The following MAPRE2 variants were observed in gnomAD, a reference collection of about 807,000 sequenced individuals.
The protein encoded by MAPRE2 is microtubule-associated protein RP/EB family member 2.
A neutral mutation model predicts 43.2 loss-of-function variants in MAPRE2; 13 were observed. The observed-to-expected ratio is 0.30, with a 90% CI of 0.20 to 0.48. The LOEUF is 0.48. Among genes scored for constraint, MAPRE2 ranks in the 20% least tolerant of loss-of-function variants. The pLI, the probability that MAPRE2 is intolerant of heterozygous loss-of-function variation, is 0.99. For synonymous variants in MAPRE2, 135 were observed against 148.8 expected, an observed-to-expected ratio of 0.91 and a Z score of 0.68; for missense variants, 161 against 400.2, an observed-to-expected ratio of 0.40 and a Z score of 5.10.
At chr18:35,102,994 T>C (rs1423996617) in intron 4 of MAPRE2, among the ~76,000 whole-genome samples, 2 of 151,918 alleles carry the variant, frequency 1.3e-5, no homozygotes, top group African/African-American at 4.9e-5. Flanking sequence ...AACTACAATC[T>C]GAATGAAGTA....
At chr18:34,981,401 G>A (rs945892385) in intron 1 of MAPRE2, among the ~76,000 whole-genome samples, 2 of 151,624 alleles carry the variant, frequency 1.3e-5, no homozygotes, top group South Asian at 2.1e-4. Flanking sequence ...AAGACTAATC[G>A]GATTACTCCA....
chr18:35,019,582 C>G (rs527725544), intron 2 of MAPRE2, among the ~76,000 whole-genome samples: 1 of 152,060 alleles, frequency 6.6e-6, no homozygotes, highest in South Asian at 2.1e-4. Flanking sequence ...TTCTTCTTTA[C>G]TTTATGTCAT....
chr18:34,987,070 T>G (rs1376604336), intron 1 of MAPRE2, among the ~76,000 whole-genome samples: 2 of 152,158 alleles, frequency 1.3e-5, no homozygotes, highest in African/African-American at 4.8e-5. Flanking sequence ...TTTGCACAAT[T>G]TACTAGATTG....
intron 2 of MAPRE2, among the ~76,000 whole-genome samples, chr18:35,030,314 A>G (rs2097047213): frequency 6.6e-6 from 1 of 152,158 alleles, no homozygotes; most frequent in Non-Finnish European, 1.5e-5. Context: ...GTTTTATGGC[A>G]GCAGTCTCTT....
chr18:35,095,012 G>A (rs1314914502), intron 2 of MAPRE2, among the ~76,000 whole-genome samples: 1 of 152,042 alleles, frequency 6.6e-6, no homozygotes, highest in Non-Finnish European at 1.5e-5. Flanking sequence ...CCAGGTAGTA[G>A]GTGTCCAAAT....
At chr18:35,112,983 C>G (rs1909247063) in intron 4 of MAPRE2, among the ~76,000 whole-genome samples, 6 of 152,192 alleles carry the variant, frequency 3.9e-5, no homozygotes. Flanking sequence ...GAGGCAAGCC[C>G]CCTTAGGCCT....
intron 2 of MAPRE2, among the ~76,000 whole-genome samples, chr18:35,011,823 C>T (rs2097034861): frequency 6.6e-6 from 1 of 152,116 alleles, no homozygotes; most frequent in African/African-American, 2.4e-5. Context: ...ATTCATTCAT[C>T]TAGCGAACAC....
rs188703991 is a variant in MAPRE2 at position 35,007,912 on chromosome 18, G to A, written c.-8+2359G>A. Among the ~76,000 whole-genome samples, 261 of 152,170 alleles carry A rather than the reference G, an allele frequency of 1.7e-3. 5 individuals are homozygous for A. The highest frequency in any genetic ancestry group is 5.6e-3 in the African/African-American group (234 of 41,526). ...GTAAACTGAAAATACAGTATTCATCGGTATATGAAGCCAAAGGCAGCCAGC... is the reference window on the plus strand; with the variant it reads ...GTAAACTGAAAATACAGTATTCATCAGTATATGAAGCCAAAGGCAGCCAGC... On this transcript the variant is annotated intron_variant, in intron 2 of 7. Transcript: ENST00000413393.
At chr18:35,134,732 C>T (rs1355925983) in intron 6 of MAPRE2, among the ~76,000 whole-genome samples, 3 of 152,186 alleles carry the variant, frequency 2.0e-5, no homozygotes. Context: ...CTCCCCTTAC[C>T]TCGTTTTGTT....
intron 4 of MAPRE2, among the ~76,000 whole-genome samples, chr18:35,120,311 A>G (rs1909616860): frequency 6.6e-6 from 1 of 152,162 alleles, no homozygotes; most frequent in South Asian, 2.1e-4. Flanking sequence ...CTCCACTGAA[A>G]AGGAAGAGCT....
chr18:35,072,760 C>T (rs1208623557), intron 2 of MAPRE2, among the ~76,000 whole-genome samples: 2 of 152,040 alleles, frequency 1.3e-5, no homozygotes, highest in African/African-American at 2.4e-5. Context: ...TGCCATCAAG[C>T]GTGGCTTGAT....
rs77048453 is a variant in MAPRE2, at chr18:35,000,752, A to T, written c.-69-4740A>T. On this transcript the variant is annotated intron_variant, in intron 1 of 7. Coordinates refer to the MAPRE2 transcript ENST00000413393. ...GCTGGCTTATGGCTGCTCATTTCTG[A>T]GGAGCTGCCCTAGTGCTCACAATGG... 8.8e-3 allele frequency among the ~76,000 whole-genome samples: 1,336 copies of T among 152,272 alleles called. 10 individuals are homozygous for T. Among genetic ancestry groups the T allele is most frequent in the Middle Eastern group, 0.017 (5 of 294 alleles).
intron 2 of MAPRE2, among the ~76,000 whole-genome samples, chr18:35,032,738 T>A (rs2097048441): frequency 1.3e-5 from 2 of 152,146 alleles, no homozygotes; most frequent in African/African-American, 4.8e-5. Context: ...CAGCTCTGTA[T>A]CCTCTGGGTC....
chr18:35,055,567 G>GTGTGTGTGTGTGTGTA (rs1555914083), intron 1 of MAPRE2, among the ~76,000 whole-genome samples: 1 of 150,478 alleles, frequency 6.6e-6, no homozygotes, highest in African/African-American at 2.5e-5. Flanking sequence ...GTGTGTGTAT[G>GTGTGTGTGTGTGTGTA]TGTGTGTGTG....
chr18:35,085,273 T>G (rs528828478), intron 2 of MAPRE2, among the ~76,000 whole-genome samples: 21 of 152,206 alleles, frequency 1.4e-4, no homozygotes, highest in Non-Finnish European at 2.6e-4. Context: ...GGGGAATGCT[T>G]CCTTCAACAC....
chr18:34,998,944 T>C (rs952994944), intron 1 of MAPRE2, among the ~76,000 whole-genome samples: 1 of 152,134 alleles, frequency 6.6e-6, no homozygotes, highest in Non-Finnish European at 1.5e-5. Flanking sequence ...TCAGTCTTAC[T>C]TAGATTTCAC....
At chr18:35,002,938 T>G (rs1258021734) in intron 1 of MAPRE2, among the ~76,000 whole-genome samples, 1 of 152,214 alleles carries the variant, frequency 6.6e-6, no homozygotes, top group Non-Finnish European at 1.5e-5. Context: ...CCAGATTGTG[T>G]TTTTGGTGTC....
intron 1 of MAPRE2, among the ~76,000 whole-genome samples, chr18:34,993,255 CTT>C (rs760356794): frequency 1.7e-3 from 217 of 130,012 alleles, no homozygotes; most frequent in African/African-American, 4.8e-3. Context: ...CCATTCCCGC[CTT>C]TTTTTTTTTT....
chr18:35,139,338 G>A (rs1407592442), intron 6 of MAPRE2, among the ~76,000 whole-genome samples: 1 of 152,184 alleles, frequency 6.6e-6, no homozygotes, highest in African/African-American at 2.4e-5. Context: ...TGAGGGAACA[G>A]GGAACTCCTT....
Sources: gnomAD v4.1 joint callset for allele counts (sites outside exome capture counted in the v4.1 genomes callset) on GRCh38, gnomAD v4.1.1 for gene constraint, MANE v1.5 for transcripts, NCBI Gene and HGNC (gene_info 2026-07-23, HGNC 2026-07-21) for gene names.